ARSD: variants seen among roughly 807,000 people sequenced by gnomAD.
ARSD encodes arylsulfatase D, also known as testis tissue sperm-binding protein Li 39a.
A neutral mutation model predicts 32.6 loss-of-function variants in ARSD; 21 were observed. That is an observed-to-expected ratio of 0.64 (90% confidence interval 0.46 to 0.93). The LOEUF (loss-of-function observed/expected upper bound fraction) is 0.93, where lower values mean the gene tolerates loss of function less well. Ranked by LOEUF, ARSD falls within the 40% of genes least tolerant of loss-of-function variation. The pLI, the probability that ARSD is intolerant of heterozygous loss-of-function variation, is 0.00. For missense variants in ARSD, 454 were observed against 520.9 expected, an observed-to-expected ratio of 0.87 and a Z score of 1.25; for synonymous variants, 224 against 237.4, an observed-to-expected ratio of 0.94 and a Z score of 0.52.
chrX:2,921,398 A>C (rs2089027454), intron 3 of ARSD, among the ~76,000 whole-genome samples: 1 of 111,730 alleles, frequency 9.0e-6, no homozygotes, highest in Non-Finnish European at 1.9e-5. Flanking sequence ...TCTATCAATC[A>C]TCTCTTATCT....
chrX:2,910,704 T>A lies in ARSD; in HGVS notation c.1090A>T (p.Arg364Ter). The change falls in exon 7 of 10, where the codon AGA (arginine) becomes TGA (stop). Residue 364 changes from arginine (R) to a stop codon, truncating the protein, a stop_gained. Coordinates refer to ENST00000381154, the MANE Select transcript of ARSD (RefSeq NM_001669.4). LOFTEE classifies it high-confidence loss of function. Reference protein sequence around the residue: ...TSDHGGHLEARDGHSQLGGWN... With the variant: ...TSDHGGHLEA ...CCCCCTAACTGGCTGTGTCCATCTCTTGCCTCTAAATGTCCTCCATGGTCA... is the reference window on the plus strand; with the variant it reads ...CCCCCTAACTGGCTGTGTCCATCTCATGCCTCTAAATGTCCTCCATGGTCA... 1 of 1,212,100 alleles carries A rather than the reference T, an allele frequency of 8.3e-7. No homozygotes were observed. The highest frequency in any genetic ancestry group is 1.1e-6 in the Non-Finnish European group (1 of 895,478).
chrX:2,908,873 T>C (rs1334974683), intron 8 of ARSD, 31 bp from the exon 9 acceptor site: 1 of 1,207,285 alleles, frequency 8.3e-7, no homozygotes, highest in African/African-American at 1.8e-5. Context: ...CAGAGCAGAG[T>C]CAGACCACGG....
Position 2,907,364 on chromosome X carries a change from G to A in ARSD, c.1689C>T (p.Ser563=). The A allele has an allele frequency of 1.6e-6, 2 of 1,212,189 alleles. No individual in the cohort carries two copies. Among genetic ancestry groups the A allele is most frequent in the South Asian group, 1.8e-5 (1 of 57,005 alleles). ...QTLSPVPQQF[S]MSNILWKPWL... ...ACGGCTTCCACAGGATGTTGCTCAT[G>A]GAAAACTGCTGGGGCACAGGACTCA... Residue 563 remains serine, a synonymous_variant, in exon 10 of 10, where the codon TCC becomes TCT. Transcript: ENST00000381154.
chrX:2,929,110 C>T (rs949016638), intron 1 of ARSD, 122 bp downstream of exon 1: 11 of 678,641 alleles, frequency 1.6e-5, no homozygotes, highest in Non-Finnish European at 2.1e-5. Flanking sequence ...AGGCGCCGGA[C>T]ACAACCACGC....
In ARSD at chrX:2,914,429, G is replaced by C. The variant is rs776333204; in HGVS notation, c.1000+1127C>G. 149 of 486,789 alleles carry C rather than the reference G, an allele frequency of 3.1e-4. 7 individuals are homozygous for C. In the South Asian group the frequency reaches 4.2e-3, roughly 14 times the overall value. 40.1% of individuals were successfully genotyped at this position (486,789 alleles called of 1,213,427 possible). ...ATTTTTTGTAGAGATGGGGGGGGGG[G>C]GCGTCTCACTATGTTGCCCAGGCTG... is the stretch of plus-strand genomic sequence containing the variant. On this transcript the variant is annotated intron_variant, in intron 6 of 9. Coordinates refer to ENST00000381154, the MANE Select transcript of ARSD (RefSeq NM_001669.4).
Position 2,920,726 on chromosome X carries a change from G to A in ARSD, c.317-3C>T. ...GTATCCATTGCTGGCGTCCATGCCT[G>A]TGGGGCAGAGAAGACAGGAAGAATT... is the stretch of plus-strand genomic sequence containing the variant. On this transcript the variant is annotated splice_polypyrimidine_tract_variant and splice_region_variant and intron_variant, in intron 3 of 9. Coordinates refer to ENST00000381154, the MANE Select transcript of ARSD (RefSeq NM_001669.4). 8.3e-7 allele frequency: 1 copy of A among 1,210,331 alleles called. No individual in the cohort carries two copies. Among genetic ancestry groups the A allele is most frequent in the Non-Finnish European group, 1.1e-6 (1 of 894,701 alleles).
Position 2,909,777 on chromosome X carries a change from TA to T in ARSD, c.1298+39del, listed in dbSNP as rs200286191. Reference sequence around the variant, plus strand: ...ATAAAAAAAAAAAACTAAAAACAATTAAAAAAAATCAGGGAACAGGCAGCCT... The same window carrying T: ...ATAAAAAAAAAAAACTAAAAACAATTAAAAAAATCAGGGAACAGGCAGCCT... On this transcript the variant is annotated intron_variant, in intron 8 of 9. Coordinates refer to ENST00000381154, the MANE Select transcript of ARSD (RefSeq NM_001669.4). The T allele has an allele frequency of 2.5e-5, 27 of 1,093,886 alleles. No individual in the cohort carries two copies. In the African/African-American group the frequency reaches 4.2e-4, roughly 17 times the overall value. The allele number at this position is 1,093,886 out of a possible 1,213,427, so 90.1% of individuals were successfully genotyped here. A position where few individuals can be genotyped will look rare whatever the true frequency, so the allele number is the denominator to read the frequency against.
intron 6 of ARSD, chrX:2,914,379 C>A: frequency 1.1e-5 from 5 of 475,402 alleles, no homozygotes; most frequent in Non-Finnish European, 1.4e-5. Context: ...ACCACAGGTG[C>A]ACACCACCAT....
At chrX:2,928,557 C>G (rs1220522589) in intron 1 of ARSD, among the ~76,000 whole-genome samples, 1 of 93,528 alleles carries the variant, frequency 1.1e-5, no homozygotes, top group African/African-American at 4.1e-5. Flanking sequence ...GGGAAGGGGC[C>G]TTCTTAGAAA....
chrX:2,925,814 G>A, intron 1 of ARSD, 49 bp from the exon 2 acceptor site: 2 of 1,172,574 alleles, frequency 1.7e-6, no homozygotes, highest in Non-Finnish European at 2.3e-6. Flanking sequence ...ATTTGGCAAG[G>A]GAAGTAGGCA....
chrX:2,907,436 G>A lies in ARSD; in HGVS notation c.1617C>T (p.Ala539=), dbSNP rs1408548193. ...LTPDSEPLYH[A]VIARVGAAVS... ...CCGCGGCACCTACCCTTGCTATCAC[G>A]GCGTGGTACAGGGGCTCGGAGTCGG... Residue 539 remains alanine, a synonymous_variant, in exon 10 of 10, where the codon GCC becomes GCT. Coordinates refer to ENST00000381154, the MANE Select transcript of ARSD (RefSeq NM_001669.4). The A allele has an allele frequency of 9.1e-6, 11 of 1,210,282 alleles. No homozygotes were observed. Among genetic ancestry groups the A allele is most frequent in the Middle Eastern group, 2.3e-4 (1 of 4,372 alleles).
At position 2,908,745 on chromosome X, in the gene ARSD, C is replaced by T. The variant is rs2088876638; in HGVS notation, c.1396G>A (p.Ala466Thr). The change falls in exon 9 of 10, where the codon GCA (alanine) becomes ACA (threonine). Residue 466 changes from alanine to threonine, a missense_variant. By Grantham distance (58) the Ala-to-Thr change is moderately conservative (BLOSUM62 0). Transcript: ENST00000381154. Reference sequence around the variant, plus strand: ...CTGTCCTTCTGGTGCCAGCGTGCTGCGTGAAGATGCTGCCCACAGTAATGA... The same window carrying T: ...CTGTCCTTCTGGTGCCAGCGTGCTGTGTGAAGATGCTGCCCACAGTAATGA... ...LFHYCGQHLH[A>T]ARWHQKDSGS... 6 of 1,202,656 alleles carry T rather than the reference C, an allele frequency of 5.0e-6. No homozygotes were observed. The highest frequency in any genetic ancestry group is 3.0e-5 in the East Asian group (1 of 33,531).
At chrX:2,924,480 C>T (rs1202945142) in intron 2 of ARSD, among the ~76,000 whole-genome samples, 2 of 113,371 alleles carry the variant, frequency 1.8e-5, no homozygotes, top group African/African-American at 6.4e-5. Flanking sequence ...GAAAAGCCCA[C>T]CAAATGGAAT....
intron 6 of ARSD, among the ~76,000 whole-genome samples, chrX:2,915,066 T>G (rs1321357957): frequency 9.0e-6 from 1 of 111,410 alleles, no homozygotes; most frequent in Non-Finnish European, 1.9e-5. Context: ...AGAGATGGGG[T>G]CTCACTATGT....
At chrX:2,928,085 C>G (rs1156725123) in intron 1 of ARSD, among the ~76,000 whole-genome samples, 4 of 111,051 alleles carry the variant, frequency 3.6e-5, no homozygotes, top group African/African-American at 1.3e-4. Context: ...CGCCAAGAAC[C>G]TGGACAACTT....
At chrX:2,925,904 G>A in intron 1 of ARSD, 139 bp from the exon 2 acceptor site, 1 of 629,221 alleles carries the variant, frequency 1.6e-6, no homozygotes, top group Non-Finnish European at 2.4e-6. Flanking sequence ...TATTGTCTTG[G>A]CCTGAATTCC....
intron 4 of ARSD, among the ~76,000 whole-genome samples, chrX:2,919,942 C>T (rs1456496326): frequency 8.9e-6 from 1 of 111,783 alleles, no homozygotes; most frequent in Non-Finnish European, 1.9e-5. Context: ...GATTCTGCCT[C>T]ACCTCCTTTG....
chrX:2,915,019 C>T (rs1183019358), intron 6 of ARSD, among the ~76,000 whole-genome samples: 1 of 111,425 alleles, frequency 9.0e-6, no homozygotes, highest in African/African-American at 3.3e-5. Context: ...GGACTACAGG[C>T]GTGTACCATT....
Position 2,929,244 on chromosome X carries a change from G to A in ARSD, c.32C>T (p.Ala11Val). 3 of 1,036,501 alleles carry A rather than the reference G, an allele frequency of 2.9e-6. No homozygotes were observed. The highest frequency in any genetic ancestry group is 2.8e-5 in the South Asian group (1 of 35,323). 85.4% of individuals were successfully genotyped at this position (1,036,501 alleles called of 1,213,427 possible). MRSAARRGRAAPAARDSLPVL... is the reference protein window; with the variant it reads MRSAARRGRAVPAARDSLPVL... ...GGGTCCCAGGCACCTGGCGGCGGGC[G>A]CGGCGCGTCCCCTCCGCGCGGCGGA... Residue 11 changes from alanine (A) to valine (V), a missense_variant, in exon 1 of 10, where the codon GCG (alanine) becomes GTG (valine). Physicochemically the swap from Ala to Val is moderately conservative, Grantham distance 64. This residue lies in a region of ARSD where 271 missense variants were observed against 301.0 expected (regional missense o/e 0.90). Transcript: ENST00000381154.
Sources: allele counts gnomAD v4.1 joint callset (sites outside exome capture counted in the v4.1 genomes callset), GRCh38; gene constraint gnomAD v4.1.1; regional missense constraint gnomAD v4.1.1; transcripts MANE v1.5; gene names NCBI Gene and HGNC (gene_info 2026-07-23, HGNC 2026-07-21).